The following KDM5A variants were observed in gnomAD, a reference collection of about 807,000 sequenced individuals.
KDM5A encodes lysine demethylase 5A.
A neutral mutation model predicts 193.5 loss-of-function variants in KDM5A; 42 were observed. The observed-to-expected ratio is 0.22, with a 90% CI of 0.17 to 0.28. The LOEUF is 0.28. KDM5A is among the 10% of genes least tolerant of loss of function. The pLI is 1.00. For missense variants in KDM5A, 1,692 were observed against 2,055.1 expected, an observed-to-expected ratio of 0.82 and a Z score of 3.42; for synonymous variants, 796 against 718.1, an observed-to-expected ratio of 1.11 and a Z score of -1.73.
At chr12:332,480 T>C (rs1360246531) in intron 12 of KDM5A, among the ~76,000 whole-genome samples, 1 of 152,316 alleles carries the variant, frequency 6.6e-6, no homozygotes, top group African/African-American at 2.4e-5. Flanking sequence ...ACATTATAAA[T>C]GTTAAACTAC....
chr12:320,208 T>C (rs1009736364), intron 18 of KDM5A, among the ~76,000 whole-genome samples: 4 of 152,050 alleles, frequency 2.6e-5, no homozygotes, highest in African/African-American at 7.2e-5. Flanking sequence ...TGATAAAAAC[T>C]ATTTTAGGCC....
intron 14 of KDM5A, among the ~76,000 whole-genome samples, chr12:326,822 G>A (rs531616920): frequency 5.9e-4 from 80 of 135,244 alleles, no homozygotes; most frequent in Admixed American, 1.4e-3. Context: ...CCAAGATCGC[G>A]CCACTGCACT....
rs2267988 is a variant in KDM5A, at chr12:362,123, G to A, written c.672+840C>T. ...CGTTAAAATCAATGATTAGGATTCC[G>A]TGAAGGTGCTTTTCCTGTCTATCTA... is the stretch of plus-strand genomic sequence containing the variant. On this transcript the variant is annotated intron_variant, in intron 5 of 27. Coordinates refer to ENST00000399788, the MANE Select transcript of KDM5A (RefSeq NM_001042603.3). Among the ~76,000 whole-genome samples the A allele has an allele frequency of 0.012, 1,764 of 152,136 alleles. 66 individuals carry two copies. The East Asian group carries it at 0.13, about 11-fold the overall frequency.
rs1943160399 is a variant in KDM5A at position 282,068 on chromosome 12, A to C, written c.*3388T>G. On this transcript the variant is annotated 3_prime_UTR_variant, in exon 28 of 28. Coordinates refer to ENST00000399788, the MANE Select transcript of KDM5A (RefSeq NM_001042603.3). ...GCACAGAAGCGCAGAAGCAAAGCCC[A>C]GGCAGAACCATGCTAACCTTACAGC... is the stretch of plus-strand genomic sequence containing the variant. 3.0e-5 allele frequency: 10 copies of C among 332,102 alleles called. No individual in the cohort carries two copies. The South Asian group carries it at 3.1e-4, about 10-fold the overall frequency. 20.6% of individuals were successfully genotyped at this position (332,102 alleles called of 1,614,324 possible).
At chr12:379,570 A>G (rs1202762885) in intron 3 of KDM5A, among the ~76,000 whole-genome samples, 1 of 152,258 alleles carries the variant, frequency 6.6e-6, no homozygotes, top group Non-Finnish European at 1.5e-5. Context: ...GAGAAGCAGC[A>G]ATCTCACAAT....
chr12:357,439 C>T (rs1397986509), intron 5 of KDM5A, among the ~76,000 whole-genome samples: 2 of 151,590 alleles, frequency 1.3e-5, no homozygotes, highest in African/African-American at 4.9e-5. Context: ...GAGTTCAAGG[C>T]TGCAGCAAGC....
chr12:336,816 C>T (rs1591919385), intron 10 of KDM5A, among the ~76,000 whole-genome samples: 1 of 145,022 alleles, frequency 6.9e-6, no homozygotes, highest in South Asian at 2.2e-4. Flanking sequence ...GCCTGGGCAA[C>T]AGAGCGAGAC....
intron 17 of KDM5A, chr12:322,203 T>C (rs996369533): frequency 1.7e-6 from 1 of 572,208 alleles, no homozygotes; most frequent in Non-Finnish European, 3.1e-6. Flanking sequence ...GTGCCTGCTA[T>C]GTATGAAGAA....
In KDM5A at chr12:333,470, G is replaced by A. The variant is rs747896905; in HGVS notation, c.1653+17C>T. On this transcript the variant is annotated intron_variant, in intron 12 of 27. Coordinates refer to ENST00000399788, the MANE Select transcript of KDM5A (RefSeq NM_001042603.3). ...ACAAACAAACAAACAACTGAAGGAA[G>A]ACACCAAAAGACTCACAGGCACACC... 1.9e-6 allele frequency: 3 copies of A among 1,613,332 alleles called. No individual in the cohort carries two copies. Among genetic ancestry groups the A allele is most frequent in the Admixed American group, 1.7e-5 (1 of 59,952 alleles).
chr12:367,463 G>A (rs1944372240), intron 3 of KDM5A, among the ~76,000 whole-genome samples: 2 of 152,156 alleles, frequency 1.3e-5, no homozygotes, highest in African/African-American at 4.8e-5. Flanking sequence ...TTGGGAGGCA[G>A]AGCTGGGCAA....
intron 10 of KDM5A, among the ~76,000 whole-genome samples, chr12:345,815 GA>G (rs1944065845): frequency 3.9e-5 from 6 of 152,148 alleles, no homozygotes; most frequent in Non-Finnish European, 8.8e-5. Context: ...GAGAAAGCAG[GA>G]AAGATCTAAA....
intron 26 of KDM5A, among the ~76,000 whole-genome samples, chr12:293,804 T>G: frequency 6.9e-6 from 1 of 144,932 alleles, no homozygotes; most frequent in African/African-American, 2.5e-5. Flanking sequence ...GGGGGGGGAT[T>G]TATGTTATTC....
intron 1 of KDM5A, chr12:388,587 C>T (rs1944677785): frequency 7.5e-6 from 3 of 397,660 alleles, no homozygotes; most frequent in South Asian, 6.5e-5. Flanking sequence ...GACTATCAAA[C>T]CATAATGAGG....
intron 24 of KDM5A, among the ~76,000 whole-genome samples, chr12:300,677 G>C (rs1011487061): frequency 6.6e-6 from 1 of 152,094 alleles, no homozygotes; most frequent in African/African-American, 2.4e-5. Flanking sequence ...AAATAACTAA[G>C]ATCAGAGCAG....
chr12:384,694 A>G (rs775374823), intron 2 of KDM5A, among the ~76,000 whole-genome samples: 4 of 152,254 alleles, frequency 2.6e-5, no homozygotes, highest in Admixed American at 1.3e-4. Context: ...AAAAGTTGTC[A>G]TATTAGCAAC....
chr12:284,868 A>G lies in KDM5A; in HGVS notation c.*588T>C, dbSNP rs1292986696. ...GTTCTCCTATTTGGGATGTTCTTCT[A>G]GCACAAACAAGCACAAATCGCTGAG... On this transcript the variant is annotated 3_prime_UTR_variant, in exon 28 of 28. Coordinates refer to ENST00000399788, the MANE Select transcript of KDM5A (RefSeq NM_001042603.3). The G allele has an allele frequency of 4.3e-6, 1 of 235,048 alleles. No individual in the cohort carries two copies. The highest frequency in any genetic ancestry group is 8.4e-6 in the Non-Finnish European group (1 of 119,182). The allele number at this position is 235,048 out of a possible 1,614,324, so 14.6% of individuals were successfully genotyped here.
chr12:304,758 T>A (rs1457888312), intron 24 of KDM5A, among the ~76,000 whole-genome samples: 1 of 152,176 alleles, frequency 6.6e-6, no homozygotes, highest in Non-Finnish European at 1.5e-5. Context: ...CTGAAAATCA[T>A]CAATACTTGT....
rs572955123 is a variant in KDM5A at position 364,702 on chromosome 12, G to A, written c.537+1232C>T. On this transcript the variant is annotated intron_variant, in intron 4 of 27. Transcript: ENST00000399788. ...CGGGAGGCTGAGGCAGGAGAATGGC[G>A]TGAGCCCAGGAGGCGGAGCTTGCAG... 1.5e-4 allele frequency among the ~76,000 whole-genome samples: 22 copies of A among 143,256 alleles called. No homozygotes were observed. The East Asian group carries it at 3.3e-3, about 21-fold the overall frequency. 94.0% of individuals were successfully genotyped at this position (143,256 alleles called of 152,430 possible). A position where few individuals can be genotyped will look rare whatever the true frequency, so the allele number is the denominator to read the frequency against.
rs3759372 is a variant in KDM5A at position 310,167 on chromosome 12, G to A, written c.3217-203C>T. ...ACATTTTATAAACAAGAGAAACTGA[G>A]GCTCAGGAAGGAAATAACTTGCCCA... On this transcript the variant is annotated intron_variant, in intron 21 of 27. Transcript: ENST00000399788. Among the ~76,000 whole-genome samples the A allele has an allele frequency of 2.4e-3, 363 of 152,214 alleles. 14 individuals carry two copies. In the East Asian group the frequency reaches 0.048, roughly 20 times the overall value.
Sources: gnomAD v4.1 joint callset for allele counts (sites outside exome capture counted in the v4.1 genomes callset) on GRCh38, gnomAD v4.1.1 for gene constraint, MANE v1.5 for transcripts, NCBI Gene and HGNC (gene_info 2026-07-23, HGNC 2026-07-21) for gene names.